Variants in ABCB1 observed in about 807,000 individuals in gnomAD.
ABCB1 encodes the protein ATP binding cassette subfamily B member 1.
ABCB1 carries 69 observed loss-of-function variants against 142.0 expected under a neutral mutation model. That is an observed-to-expected ratio of 0.49 (90% CI 0.40 to 0.59). The LOEUF (loss-of-function observed/expected upper bound fraction) is 0.59. Ranked by LOEUF, ABCB1 falls within the 20% of genes least tolerant of loss-of-function variation. The pLI is 0.00. For missense variants in ABCB1, 1,326 were observed against 1,554.7 expected, an observed-to-expected ratio of 0.85 and a Z score of 2.47; for synonymous variants, 532 against 539.2, an observed-to-expected ratio of 0.99 and a Z score of 0.18.
intron 1 of ABCB1, among the ~76,000 whole-genome samples, chr7:87,657,418 G>A (rs552189527): frequency 4.6e-5 from 7 of 152,246 alleles, no homozygotes; most frequent in African/African-American, 9.6e-5. Context: ...CAAAAAAACC[G>A]TAGTACCACC....
intron 13 of ABCB1, 64 bp from the exon 14 acceptor site, chr7:87,549,582 T>C: frequency 6.2e-7 from 1 of 1,611,102 alleles, no homozygotes; most frequent in Non-Finnish European, 8.5e-7. Flanking sequence ...TATTTTAAAT[T>C]GGTAAGGAAT....
At chr7:87,666,096 A>G (rs1825212370) in intron 1 of ABCB1, among the ~76,000 whole-genome samples, 1 of 152,068 alleles carries the variant, frequency 6.6e-6, no homozygotes, top group African/African-American at 2.4e-5. Flanking sequence ...CCTAATTTAC[A>G]TTTCTAACAG....
chr7:87,594,786 G>A (rs1819128419), intron 3 of ABCB1, among the ~76,000 whole-genome samples: 1 of 152,144 alleles, frequency 6.6e-6, no homozygotes, highest in South Asian at 2.1e-4. Flanking sequence ...AGAGTCCTCA[G>A]TGTAAAAGTC....
intron 1 of ABCB1, chr7:87,710,590 A>G: frequency 6.3e-7 from 1 of 1,597,172 alleles, no homozygotes; most frequent in South Asian, 1.1e-5. Flanking sequence ...GGATCAGAGT[A>G]GCACTCATGG....
At chr7:87,544,789 G>T (rs1347082934) in intron 16 of ABCB1, 34 bp downstream of exon 16, 1 of 1,611,190 alleles carries the variant, frequency 6.2e-7, no homozygotes, top group African/African-American at 1.3e-5. Context: ...CACAGTTAGT[G>T]AGATTAAAAC....
At chr7:87,545,819 T>G (rs1816755293) in intron 15 of ABCB1, 44 bp downstream of exon 15, 3 of 1,590,686 alleles carry the variant, frequency 1.9e-6, no homozygotes, top group African/African-American at 1.3e-5. Context: ...CAAAATCAGT[T>G]TATCACTGAG....
At chr7:87,539,769 A>G (rs1025771008) in intron 18 of ABCB1, among the ~76,000 whole-genome samples, 5 of 152,186 alleles carry the variant, frequency 3.3e-5, no homozygotes, top group African/African-American at 1.2e-4. Context: ...CCTATAACTC[A>G]TAGACTTTGT....
chr7:87,565,380 T>C (rs963828523), intron 7 of ABCB1: 1 of 418,396 alleles, frequency 2.4e-6, no homozygotes, highest in Non-Finnish European at 4.7e-6. Context: ...TAACACCATG[T>C]TCACCTTGAA....
intron 1 of ABCB1, among the ~76,000 whole-genome samples, chr7:87,674,734 TG>T (rs1310156632): frequency 6.6e-6 from 1 of 152,116 alleles, no homozygotes; most frequent in Admixed American, 6.5e-5. Context: ...GCACCCTGGT[TG>T]GGCATCTGAG....
At chr7:87,525,681 T>C (rs1472679958) in intron 21 of ABCB1, among the ~76,000 whole-genome samples, 1 of 152,076 alleles carries the variant, frequency 6.6e-6, no homozygotes, top group African/African-American at 2.4e-5. Flanking sequence ...ATCTTCATCA[T>C]CTTTATATTG....
chr7:87,504,504 C>G, intron 27 of ABCB1, 55 bp from the exon 28 acceptor site: 1 of 1,601,776 alleles, frequency 6.2e-7, no homozygotes, highest in Non-Finnish European at 8.5e-7. Context: ...CCTAATTCCT[C>G]TTCCATAAAA....
At chr7:87,611,180 T>C (rs1056836626) in intron 1 of ABCB1, among the ~76,000 whole-genome samples, 1 of 152,194 alleles carries the variant, frequency 6.6e-6, no homozygotes, top group Non-Finnish European at 1.5e-5. Context: ...TCCTCAATAA[T>C]CTGTCTTCTG....
chr7:87,549,758 T>A, intron 13 of ABCB1, 93 bp downstream of exon 13: 1 of 1,474,104 alleles, frequency 6.8e-7, no homozygotes, highest in South Asian at 1.1e-5. Context: ...ATTTCCCTTC[T>A]TCCGATTTAT....
intron 3 of ABCB1, among the ~76,000 whole-genome samples, chr7:87,586,892 G>A (rs1818780702): frequency 1.2e-5 from 1 of 84,426 alleles, no homozygotes; most frequent in Non-Finnish European, 2.6e-5. Context: ...AAGATATGGT[G>A]TGTAAAAAAG....
At chr7:87,568,266 T>TAA (rs1554435581) in intron 5 of ABCB1, among the ~76,000 whole-genome samples, 40 of 145,676 alleles carry the variant, frequency 2.7e-4, no homozygotes, top group South Asian at 4.3e-4. Context: ...ATAATAATAA[T>TAA]AAAAATTAGC....
At chr7:87,567,297 T>C (rs28381847) in intron 5 of ABCB1, among the ~76,000 whole-genome samples, 2,225 of 152,362 alleles carry the variant, frequency 0.015, 66 homozygotes, top group African/African-American at 0.05. Context: ...TACTCATGCA[T>C]GAAATATACT....
intron 1 of ABCB1, among the ~76,000 whole-genome samples, chr7:87,620,097 A>C (rs1394554734): frequency 6.6e-6 from 1 of 152,154 alleles, no homozygotes; most frequent in Non-Finnish European, 1.5e-5. Context: ...ATTTTTCTTG[A>C]CATCATAGCT....
chr7:87,515,188 A>G (rs1268014983), intron 25 of ABCB1, 43 bp downstream of exon 25: 2 of 1,607,096 alleles, frequency 1.2e-6, no homozygotes, highest in African/African-American at 1.3e-5. Context: ...AGACATTTGG[A>G]TGATGAAAAC....
chr7:87,564,058 A>G (rs1379043019), intron 7 of ABCB1: 1 of 354,668 alleles, frequency 2.8e-6, no homozygotes, highest in Non-Finnish European at 5.4e-6. Context: ...AAAATAACTA[A>G]TGGGTACTAG....
Sources: gnomAD v4.1 joint callset for allele counts (sites outside exome capture counted in the v4.1 genomes callset) on GRCh38, gnomAD v4.1.1 for gene constraint, MANE v1.5 for transcripts, NCBI Gene and HGNC (gene_info 2026-07-23, HGNC 2026-07-21) for gene names.